CC2D2B: variants seen among roughly 807,000 people sequenced by gnomAD.
CC2D2B encodes the protein protein CC2D2B.
A neutral mutation model predicts 161.2 loss-of-function variants in CC2D2B; 128 were observed. That is an observed-to-expected ratio of 0.79 (90% confidence interval 0.69 to 0.92). The LOEUF is 0.92. Ranked by LOEUF, CC2D2B falls within the 40% of genes least tolerant of loss-of-function variation. The probability of loss-of-function intolerance (pLI) is 0.00; values close to 1 mark genes in which losing one functional copy is unlikely to be tolerated. For missense variants in CC2D2B, 1,173 were observed against 1,375.1 expected, an observed-to-expected ratio of 0.85 and a Z score of 2.32; for synonymous variants, 391 against 449.8, an observed-to-expected ratio of 0.87 and a Z score of 1.65.
chr10:95,940,603 A>AT (rs556374620), intron 9 of CC2D2B, among the ~76,000 whole-genome samples: 34 of 152,298 alleles, frequency 2.2e-4, no homozygotes, highest in African/African-American at 7.7e-4. Context: ...ATTTCATTTC[A>AT]TCCACATGGA....
intron 17 of CC2D2B, among the ~76,000 whole-genome samples, chr10:95,980,631 T>C (rs2077480778): frequency 2.0e-5 from 3 of 152,080 alleles, no homozygotes; most frequent in Admixed American, 6.6e-5. Context: ...AGGGCAGACA[T>C]GGGAAGCAAA....
Position 95,953,092 on chromosome 10 carries a change from T to C in CC2D2B, c.1012-2302T>C, listed in dbSNP as rs573380464. Among the ~76,000 whole-genome samples, 6 of 152,312 alleles carry C rather than the reference T, an allele frequency of 3.9e-5. No individual in the cohort carries two copies. In the South Asian group the frequency reaches 1.0e-3, roughly 26 times the overall value. On this transcript the variant is annotated intron_variant, in intron 10 of 34. Transcript: ENST00000646931. ...TTAATTCACAAGTTAAAAAAGAATA[T>C]ATATATTTTTCTAGATGTAAGTCCA... is the stretch of plus-strand genomic sequence containing the variant.
chr10:95,957,303 C>T (rs184855309), intron 11 of CC2D2B, among the ~76,000 whole-genome samples: 13 of 152,288 alleles, frequency 8.5e-5, no homozygotes, highest in African/African-American at 2.9e-4. Flanking sequence ...GCAAGCCCCT[C>T]TATCTCTGGA....
At chr10:95,967,130 A>T (rs1294574878) in intron 14 of CC2D2B, among the ~76,000 whole-genome samples, 1 of 152,178 alleles carries the variant, frequency 6.6e-6, no homozygotes, top group Admixed American at 6.6e-5. Context: ...ATTAACAACC[A>T]AAAGGGCAGC....
At position 95,972,071 on chromosome 10, in the gene CC2D2B, T is replaced by C. The variant is rs981706337; in HGVS notation, c.1650T>C (p.Tyr550=). The change falls in exon 16 of 35, where the codon TAT becomes TAC. Residue 550 remains tyrosine (Y), a synonymous_variant. Transcript: ENST00000646931. ...YWPEVICLEV[Y]EKSKRTSLLA... ...GCCATTTCTTTTATATTTAGGTTTATGAAAAAAGTAAAAGGACAAGCTTAC... is the reference window on the plus strand; with the variant it reads ...GCCATTTCTTTTATATTTAGGTTTACGAAAAAAGTAAAAGGACAAGCTTAC... The C allele has an allele frequency of 2.4e-6, 3 of 1,227,022 alleles. No homozygotes were observed. The highest frequency in any genetic ancestry group is 1.6e-5 in the African/African-American group (1 of 64,308). 76.0% of individuals were successfully genotyped at this position (1,227,022 alleles called of 1,614,324 possible).
intron 24 of CC2D2B, among the ~76,000 whole-genome samples, chr10:95,999,457 T>A (rs1290724668): frequency 6.6e-6 from 1 of 152,152 alleles, no homozygotes; most frequent in East Asian, 1.9e-4. Context: ...TTTTTCTTTT[T>A]TTTTTCTTTT....
chr10:95,935,363 C>G (rs1367768246), intron 6 of CC2D2B, among the ~76,000 whole-genome samples: 2 of 152,206 alleles, frequency 1.3e-5, no homozygotes, highest in African/African-American at 4.8e-5. Context: ...CTCTCTGGTA[C>G]TTCACCATAG....
At chr10:95,936,950 C>T (rs1415734285) in intron 6 of CC2D2B, among the ~76,000 whole-genome samples, 2 of 152,132 alleles carry the variant, frequency 1.3e-5, no homozygotes, top group Non-Finnish European at 2.9e-5. Flanking sequence ...CTGGGATCTT[C>T]AAAGAGAGCC....
intron 33 of CC2D2B, among the ~76,000 whole-genome samples, chr10:96,025,171 ATATATATAT>A (rs1564683806): frequency 9.3e-4 from 23 of 24,844 alleles, no homozygotes; most frequent in Non-Finnish European, 1.4e-3. Context: ...ATATATATAT[ATATATATAT>A]ATATAAAAAA....
intron 15 of CC2D2B, among the ~76,000 whole-genome samples, chr10:95,971,811 C>G (rs2077145518): frequency 6.6e-6 from 1 of 151,710 alleles, no homozygotes; most frequent in Non-Finnish European, 1.5e-5. Flanking sequence ...TTATATGTAC[C>G]TCATATATTT....
chr10:95,975,271 C>T (rs1198244302), intron 17 of CC2D2B, among the ~76,000 whole-genome samples: 1 of 151,954 alleles, frequency 6.6e-6, no homozygotes, highest in Non-Finnish European at 1.5e-5. Context: ...ACAGGGAGAA[C>T]ATTATATATA....
intron 2 of CC2D2B, among the ~76,000 whole-genome samples, 192 bp from the exon 3 acceptor site, chr10:95,921,824 C>T (rs994177005): frequency 6.6e-6 from 1 of 152,020 alleles, no homozygotes; most frequent in African/African-American, 2.4e-5. Flanking sequence ...GGAGGGATAG[C>T]ATTAGGAGAT....
At chr10:96,023,073 G>A (rs2079541011) in intron 32 of CC2D2B, among the ~76,000 whole-genome samples, 1 of 151,848 alleles carries the variant, frequency 6.6e-6, no homozygotes, top group Non-Finnish European at 1.5e-5. Flanking sequence ...GACAGTCCTG[G>A]TGAGAGTTTG....
intron 24 of CC2D2B, among the ~76,000 whole-genome samples, chr10:96,003,019 TAA>T (rs1285969116): frequency 2.5e-4 from 26 of 102,910 alleles, no homozygotes; most frequent in African/African-American, 1.1e-3. Context: ...AAAAAATAAA[TAA>T]ATATATATAT....
In CC2D2B at chr10:96,029,266, A is replaced by G. The variant is rs1414920; in HGVS notation, c.4125+1877A>G. Among the ~76,000 whole-genome samples, 172 of 68,038 alleles carry G rather than the reference A, an allele frequency of 2.5e-3. 3 individuals carry two copies. Among genetic ancestry groups the G allele is most frequent in the African/African-American group, 8.3e-3 (108 of 13,070 alleles). The allele number at this position is 68,038 out of a possible 152,430, so 44.6% of individuals were successfully genotyped here. On this transcript the variant is annotated intron_variant, in intron 34 of 34. Transcript: ENST00000646931. ...CATATATATATATATATATATATAT[A>G]TATATATATATATATATATGTATAT...
At chr10:96,016,338 A>C (rs2141888751) in intron 30 of CC2D2B, 24 bp downstream of exon 30, 1 of 1,426,080 alleles carries the variant, frequency 7.0e-7, no homozygotes, top group East Asian at 2.3e-5. Context: ...TTCATATTGA[A>C]ATAATGTAAG....
At chr10:95,958,060 A>G (rs2076634985) in intron 11 of CC2D2B, among the ~76,000 whole-genome samples, 2 of 151,966 alleles carry the variant, frequency 1.3e-5, no homozygotes, top group South Asian at 2.1e-4. Context: ...CTATGCCAAA[A>G]AAAAAAACCT....
chr10:95,919,654 T>C lies in CC2D2B; in HGVS notation c.37-2362T>C, dbSNP rs372280324. 4.6e-3 allele frequency: 699 copies of C among 152,194 alleles called. 3 individuals carry two copies. Among genetic ancestry groups the C allele is most frequent in the South Asian group, 0.013 (65 of 4,822 alleles). 9.4% of individuals were successfully genotyped at this position (152,194 alleles called of 1,614,324 possible). ...GGTGAGAGTCCTGAGAGTCTTGATG[T>C]TTATTCAAGCCCCAAGGGCTATTTA... On this transcript the variant is annotated intron_variant, in intron 2 of 34. Coordinates refer to ENST00000646931, the MANE Select transcript of CC2D2B (RefSeq NM_001349008.3).
chr10:95,912,471 C>A (rs2098508096), intron 2 of CC2D2B, among the ~76,000 whole-genome samples: 2 of 152,020 alleles, frequency 1.3e-5, no homozygotes, highest in African/African-American at 4.8e-5. Flanking sequence ...AATATGTGCA[C>A]CCTCCAAAGC....
Sources: allele counts gnomAD v4.1 joint callset (sites outside exome capture counted in the v4.1 genomes callset), GRCh38; gene constraint gnomAD v4.1.1; transcripts MANE v1.5; gene names NCBI Gene and HGNC (gene_info 2026-07-23, HGNC 2026-07-21).